The following CORO2B variants were observed in gnomAD, a reference collection of about 807,000 sequenced individuals.
CORO2B encodes the protein coronin 2B, also known as coronin-2B.
CORO2B carries 26 observed loss-of-function variants against 58.8 expected under a neutral mutation model. That is an observed-to-expected ratio of 0.44 (90% CI 0.32 to 0.61). The LOEUF (loss-of-function observed/expected upper bound fraction) is 0.61, where lower values mean the gene tolerates loss of function less well. Among genes scored for constraint, CORO2B ranks in the 20% least tolerant of loss-of-function variants. CORO2B has a pLI of 0.04. For missense variants in CORO2B, 460 were observed against 645.1 expected (o/e 0.71, Z 3.11); for synonymous variants, 242 against 253.8 (o/e 0.95, Z 0.44).
chr15:68,721,510 A>G (rs1213923642), intron 11 of CORO2B, among the ~76,000 whole-genome samples: 1 of 151,918 alleles, frequency 6.6e-6, no homozygotes, highest in African/African-American at 2.4e-5. Context: ...GTTTGAGACC[A>G]GCCTGGTCAA....
chr15:68,549,758 G>A, the CORO2B span, among the ~76,000 whole-genome samples: 2 of 152,086 alleles, frequency 1.3e-5, no homozygotes, highest in Non-Finnish European at 2.9e-5. Flanking sequence ...GGCTGACATG[G>A]TGAAACCCTG....
the CORO2B span, among the ~76,000 whole-genome samples, chr15:68,547,432 C>T: frequency 2.0e-5 from 3 of 152,268 alleles, no homozygotes; most frequent in African/African-American, 4.8e-5. Context: ...CACAGGCATG[C>T]ACAACTCTAT....
chr15:68,523,648 A>C, the CORO2B span, among the ~76,000 whole-genome samples: 1 of 152,152 alleles, frequency 6.6e-6, no homozygotes, highest in Non-Finnish European at 1.5e-5. Context: ...CTGTGCCTCC[A>C]TTGTCTCTTG....
intron 5 of CORO2B, among the ~76,000 whole-genome samples, chr15:68,711,911 C>T (rs1385279401): frequency 6.6e-6 from 1 of 152,146 alleles, no homozygotes; most frequent in African/African-American, 2.4e-5. Context: ...GACCTCATAC[C>T]CTTTCCTGTC....
chr15:68,549,051 TC>T, the CORO2B span, among the ~76,000 whole-genome samples: 1 of 147,454 alleles, frequency 6.8e-6, no homozygotes, highest in Non-Finnish European at 1.5e-5. Flanking sequence ...AAGATACTCC[TC>T]TTCTTCCTTC....
chr15:68,674,190 G>A (rs560449971), intron 2 of CORO2B, among the ~76,000 whole-genome samples: 3 of 152,190 alleles, frequency 2.0e-5, no homozygotes, highest in South Asian at 2.1e-4. Context: ...CTCTGCTGGT[G>A]GAATGCTGGT....
At chr15:68,677,333 C>T (rs974851118) in intron 2 of CORO2B, among the ~76,000 whole-genome samples, 4 of 152,194 alleles carry the variant, frequency 2.6e-5, no homozygotes, top group Non-Finnish European at 4.4e-5. Flanking sequence ...AAGGTCACCC[C>T]GCACAAAGCC....
In CORO2B at chr15:68,711,677, A is replaced by G; in HGVS notation, c.619A>G (p.Ile207Val). The change falls in exon 5 of 12, where the codon ATT (isoleucine) becomes GTT (valine). Residue 207 changes from isoleucine to valine, a missense_variant. Ile to Val is a conservative substitution (Grantham distance 29). Around this residue, in one of 2 missense-constraint regions of CORO2B, gnomAD observed 352 missense variants for 543.0 expected, o/e 0.65. Transcript: ENST00000261861. ...TTCKDKKLRV[I>V]EPRSGRVLQE... ...GTGCAAGGACAAGAAGCTGCGTGTG[A>G]TTGAGCCCCGCTCTGGCCGTGTTCT... The G allele has an allele frequency of 6.2e-7, 1 of 1,614,098 alleles. No individual in the cohort carries two copies. The highest frequency in any genetic ancestry group is 1.1e-5 in the South Asian group (1 of 91,064).
the CORO2B span, among the ~76,000 whole-genome samples, chr15:68,533,848 G>A: frequency 1.3e-5 from 2 of 152,124 alleles, no homozygotes; most frequent in Admixed American, 6.5e-5. Context: ...TAATCAAAGG[G>A]TGGGGACCTT....
At chr15:68,702,821 C>CTTTT (rs113249272) in intron 3 of CORO2B, among the ~76,000 whole-genome samples, 327 of 96,236 alleles carry the variant, frequency 3.4e-3, no homozygotes, top group Middle Eastern at 9.4e-3. Flanking sequence ...TTTTCTTTTT[C>CTTTT]TTTTTTTTTT....
chr15:68,583,699 C>G (rs919406400), intron 1 of CORO2B, among the ~76,000 whole-genome samples: 1 of 152,182 alleles, frequency 6.6e-6, no homozygotes, highest in Admixed American at 6.5e-5. Context: ...GCCTCCAGTT[C>G]CCTGACGCAG....
chr15:68,603,607 G>A (rs1330427532), intron 1 of CORO2B, among the ~76,000 whole-genome samples: 1 of 152,062 alleles, frequency 6.6e-6, no homozygotes, highest in East Asian at 1.9e-4. Flanking sequence ...GGTAAATGAG[G>A]TCATAAAGGC....
rs182626390 is a variant in CORO2B, at chr15:68,634,185, G to A, written c.16-10975G>A. ...CCTGCTGTGGACAGAGAATAGGGCT[G>A]AAAACCAGAAGTCCTGGGTTTAACT... On this transcript the variant is annotated intron_variant, in intron 1 of 11. Transcript: ENST00000261861. Among the ~76,000 whole-genome samples the A allele has an allele frequency of 2.6e-5, 4 of 152,362 alleles. No homozygotes were observed. In the East Asian group the frequency reaches 5.8e-4, roughly 22 times the overall value.
chr15:68,694,870 G>A lies in CORO2B; in HGVS notation c.217-270G>A, dbSNP rs180833182. Reference sequence around the variant, plus strand: ...ATGCAGGGGCACCTTTTCCTTATTTGCAGAGGTGTATATGAACGAGCAGCA... The same window carrying A: ...ATGCAGGGGCACCTTTTCCTTATTTACAGAGGTGTATATGAACGAGCAGCA... On this transcript the variant is annotated intron_variant, in intron 2 of 11. Transcript: ENST00000261861. 1.2e-4 allele frequency among the ~76,000 whole-genome samples: 19 copies of A among 152,320 alleles called. No individual in the cohort carries two copies. In the East Asian group the frequency reaches 3.5e-3, roughly 28 times the overall value.
intron 2 of CORO2B, among the ~76,000 whole-genome samples, chr15:68,678,688 A>G (rs2140300682): frequency 6.6e-6 from 1 of 152,296 alleles, no homozygotes. Flanking sequence ...AAGAAAAAAG[A>G]AAACAAAAGA....
chr15:68,579,076 G>A lies in CORO2B; in HGVS notation c.-187G>A. On this transcript the variant is annotated 5_prime_UTR_variant, in exon 1 of 12. Transcript: ENST00000261861. ...GGCTGACATCAGCGACGAGCGGCGGGCGAGCGCCGACGAGCGGTCCCTGCG... is the reference window on the plus strand; with the variant it reads ...GGCTGACATCAGCGACGAGCGGCGGACGAGCGCCGACGAGCGGTCCCTGCG... 1 of 983,764 alleles carries A rather than the reference G, an allele frequency of 1.0e-6. No individual in the cohort carries two copies. Among genetic ancestry groups the A allele is most frequent in the Non-Finnish European group, 1.2e-6 (1 of 829,318 alleles). The allele number at this position is 983,764 out of a possible 1,614,324, so 60.9% of individuals were successfully genotyped here. A position where few individuals can be genotyped will look rare whatever the true frequency, so the allele number is the denominator to read the frequency against.
chr15:68,662,515 A>G (rs1902048171), intron 2 of CORO2B, among the ~76,000 whole-genome samples: 1 of 152,230 alleles, frequency 6.6e-6, no homozygotes, highest in Admixed American at 6.5e-5. Flanking sequence ...TATTGCACTA[A>G]ACACGATGAA....
intron 2 of CORO2B, among the ~76,000 whole-genome samples, chr15:68,690,770 C>G (rs1567010178): frequency 1.3e-5 from 2 of 151,452 alleles, no homozygotes; most frequent in South Asian, 2.1e-4. Flanking sequence ...CCACCTCAGC[C>G]TCCCAAGTAG....
the CORO2B span, among the ~76,000 whole-genome samples, chr15:68,542,656 T>C: frequency 6.6e-6 from 1 of 152,248 alleles, no homozygotes; most frequent in Admixed American, 6.5e-5. Context: ...ATACCTGCTT[T>C]CATCCCTGCA....
Sources: gnomAD v4.1 joint callset for allele counts (sites outside exome capture counted in the v4.1 genomes callset) on GRCh38, gnomAD v4.1.1 for gene constraint, gnomAD v4.1.1 regional missense constraint, MANE v1.5 for transcripts, NCBI Gene and HGNC (gene_info 2026-07-23, HGNC 2026-07-21) for gene names.